The following FRMD3 variants were observed in gnomAD, a reference collection of about 807,000 sequenced individuals.
FRMD3 encodes FERM domain-containing protein 3.
A neutral mutation model predicts 70.2 loss-of-function variants in FRMD3; 33 were observed. The observed-to-expected ratio is 0.47, with a 90% CI of 0.36 to 0.63. The LOEUF (loss-of-function observed/expected upper bound fraction) is 0.63. Ranked by LOEUF, FRMD3 falls within the 20% of genes least tolerant of loss-of-function variation. FRMD3 has a pLI of 0.00. For missense variants in FRMD3, 632 were observed against 711.4 expected (o/e 0.89, Z 1.27); for synonymous variants, 279 against 255.9 (o/e 1.09, Z -0.86).
chr9:83,386,236 A>G (rs1290863648), intron 2 of FRMD3, among the ~76,000 whole-genome samples: 2 of 152,228 alleles, frequency 1.3e-5, no homozygotes, highest in African/African-American at 2.4e-5. Flanking sequence ...AAGTCCTTGC[A>G]GTTGTGCACA....
chr9:83,454,996 A>G (rs1827777807), intron 1 of FRMD3, among the ~76,000 whole-genome samples: 1 of 152,222 alleles, frequency 6.6e-6, no homozygotes, highest in African/African-American at 2.4e-5. Context: ...AAGCTAAGAG[A>G]TATAAGAAGC....
chr9:83,507,732 A>ATCTATCTATCTATCTATC (rs1158473884), intron 1 of FRMD3, among the ~76,000 whole-genome samples: 3 of 92,954 alleles, frequency 3.2e-5, no homozygotes, highest in Non-Finnish European at 7.0e-5. Context: ...ATATATATAT[A>ATCTATCTATCTATCTATC]TATATATCTT....
chr9:83,393,489 T>C (rs1825725405), intron 1 of FRMD3, among the ~76,000 whole-genome samples: 1 of 152,138 alleles, frequency 6.6e-6, no homozygotes, highest in Non-Finnish European at 1.5e-5. Flanking sequence ...CTAACATTTA[T>C]TGTGCACTTT....
At chr9:83,470,453 A>G (rs1828242236) in intron 1 of FRMD3, among the ~76,000 whole-genome samples, 1 of 152,216 alleles carries the variant, frequency 6.6e-6, no homozygotes, top group Non-Finnish European at 1.5e-5. Flanking sequence ...TTTGAGAGAG[A>G]ACACATGTAA....
intron 1 of FRMD3, among the ~76,000 whole-genome samples, chr9:83,405,746 G>C: frequency 6.7e-6 from 1 of 149,256 alleles, no homozygotes; most frequent in Non-Finnish European, 1.5e-5. Context: ...TCGGCAACAA[G>C]AGCGAAACTC....
chr9:83,358,672 G>GTATTTATT (rs34830442), intron 3 of FRMD3, among the ~76,000 whole-genome samples: 29,434 of 142,794 alleles, frequency 0.21, 3,356 homozygotes, highest in Non-Finnish European at 0.25. Context: ...ATATTCTTAA[G>GTATTTATT]TATTTATTTA....
chr9:83,523,405 CTCTA>C (rs755254452), intron 1 of FRMD3, among the ~76,000 whole-genome samples: 38 of 152,160 alleles, frequency 2.5e-4, no homozygotes, highest in Non-Finnish European at 5.6e-4. Flanking sequence ...ATCTCTCCCT[CTCTA>C]TCTCTCTCTG....
intron 5 of FRMD3, among the ~76,000 whole-genome samples, chr9:83,337,690 C>T (rs1823625507): frequency 6.6e-6 from 1 of 152,184 alleles, no homozygotes; most frequent in Non-Finnish European, 1.5e-5. Context: ...TGAAAAATTA[C>T]ATCCAACTCT....
intron 1 of FRMD3, among the ~76,000 whole-genome samples, chr9:83,503,255 A>AGAGAGCTTT (rs1196940789): frequency 6.6e-6 from 1 of 152,186 alleles, no homozygotes; most frequent in African/African-American, 2.4e-5. Flanking sequence ...CTGGTGGGTC[A>AGAGAGCTTT]TATACCCTAT....
At chr9:83,397,892 G>C (rs1241086524) in intron 1 of FRMD3, among the ~76,000 whole-genome samples, 2 of 152,144 alleles carry the variant, frequency 1.3e-5, no homozygotes, top group African/African-American at 4.8e-5. Flanking sequence ...GCAACTAAAT[G>C]CTCAGTTTGC....
chr9:83,469,353 A>G (rs1413176117), intron 1 of FRMD3, among the ~76,000 whole-genome samples: 1 of 152,252 alleles, frequency 6.6e-6, no homozygotes, highest in African/African-American at 2.4e-5. Flanking sequence ...AAAACCTGAC[A>G]AAGCCACTTC....
intron 1 of FRMD3, among the ~76,000 whole-genome samples, chr9:83,476,940 G>C (rs763697930): frequency 7.2e-5 from 11 of 152,144 alleles, no homozygotes; most frequent in Non-Finnish European, 1.2e-4. Context: ...TGATCCTTGA[G>C]GGCAGGTGGT....
At chr9:83,411,126 C>T (rs983326463) in intron 1 of FRMD3, among the ~76,000 whole-genome samples, 24 of 152,182 alleles carry the variant, frequency 1.6e-4, no homozygotes, top group African/African-American at 5.1e-4. Flanking sequence ...AGAGACGTGG[C>T]GTATTAAACA....
chr9:83,512,031 C>T (rs1829349673), intron 1 of FRMD3, among the ~76,000 whole-genome samples: 1 of 152,206 alleles, frequency 6.6e-6, no homozygotes, highest in African/African-American at 2.4e-5. Context: ...CTACTGCTTA[C>T]TGGCTATGTG....
intron 3 of FRMD3, among the ~76,000 whole-genome samples, chr9:83,364,386 G>A (rs564627192): frequency 3.3e-5 from 5 of 152,166 alleles, no homozygotes; most frequent in Non-Finnish European, 5.9e-5. Flanking sequence ...GCAAAACCCC[G>A]TATCTTCTAA....
intron 1 of FRMD3, among the ~76,000 whole-genome samples, chr9:83,426,599 T>C (rs189057182): frequency 9.6e-4 from 146 of 152,286 alleles, no homozygotes; most frequent in African/African-American, 2.7e-3. Flanking sequence ...CAGGCCCACC[T>C]CAGATGAGTT....
At chr9:83,371,732 A>T (rs959229329) in intron 3 of FRMD3, among the ~76,000 whole-genome samples, 1 of 152,030 alleles carries the variant, frequency 6.6e-6, no homozygotes, top group African/African-American at 2.4e-5. Context: ...TGGACTTTCC[A>T]CACCCACTGC....
At chr9:83,315,215 C>T (rs954465537) in intron 6 of FRMD3, among the ~76,000 whole-genome samples, 14 of 152,136 alleles carry the variant, frequency 9.2e-5, no homozygotes, top group African/African-American at 3.1e-4. Flanking sequence ...TGCATTAATG[C>T]TGCTTTCTTG....
chr9:83,363,703 C>T (rs371576727), intron 3 of FRMD3, among the ~76,000 whole-genome samples: 7 of 151,914 alleles, frequency 4.6e-5, no homozygotes, highest in African/African-American at 1.2e-4. Flanking sequence ...TACAGGCGCC[C>T]GCCACCTCGC....
Sources: allele counts gnomAD v4.1 joint callset (sites outside exome capture counted in the v4.1 genomes callset), GRCh38; gene constraint gnomAD v4.1.1; transcripts MANE v1.5; gene names NCBI Gene and HGNC (gene_info 2026-07-23, HGNC 2026-07-21).